EHD4: variants seen among roughly 807,000 people sequenced by gnomAD.
EHD4 encodes EH domain containing 4.
Under a neutral mutation model 51.0 loss-of-function variants are expected in EHD4, and 37 were observed. That is an observed-to-expected ratio of 0.73 (90% CI 0.56 to 0.95). The LOEUF is 0.95. EHD4 is among the 40% of genes least tolerant of loss of function. The pLI is 0.00. For synonymous variants in EHD4, 297 were observed against 317.3 expected (o/e 0.94, Z 0.68); for missense variants, 632 against 733.1 (o/e 0.86, Z 1.59).
At chr15:41,954,212 C>T (rs990121773) in intron 1 of EHD4, among the ~76,000 whole-genome samples, 3 of 152,162 alleles carry the variant, frequency 2.0e-5, no homozygotes, top group African/African-American at 2.4e-5. Context: ...GTGGGGACAC[C>T]TCTTTTGTGG....
chr15:41,911,793 G>C (rs1329575354), intron 4 of EHD4, among the ~76,000 whole-genome samples: 2 of 152,134 alleles, frequency 1.3e-5, no homozygotes, highest in African/African-American at 4.8e-5. Context: ...CTGGGGCCTA[G>C]CCCTGGAGCA....
chr15:41,943,971 CCT>C (rs1313396547), intron 2 of EHD4, among the ~76,000 whole-genome samples: 1 of 152,194 alleles, frequency 6.6e-6, no homozygotes, highest in African/African-American at 2.4e-5. Context: ...TCTTTAGGCC[CCT>C]CTTGTTCCTC....
At chr15:41,937,766 C>A (rs755708320) in intron 3 of EHD4, among the ~76,000 whole-genome samples, 1 of 152,146 alleles carries the variant, frequency 6.6e-6, no homozygotes, top group Non-Finnish European at 1.5e-5. Flanking sequence ...TGATTGTGGT[C>A]TGCTGGTGCC....
chr15:41,917,849 A>G (rs1432591610), intron 4 of EHD4, among the ~76,000 whole-genome samples: 2 of 152,212 alleles, frequency 1.3e-5, no homozygotes, highest in Non-Finnish European at 2.9e-5. Context: ...AAGAACAGAT[A>G]AAGAAGGATG....
At chr15:41,932,050 T>C (rs1268269663) in intron 3 of EHD4, among the ~76,000 whole-genome samples, 1 of 152,166 alleles carries the variant, frequency 6.6e-6, no homozygotes, top group Non-Finnish European at 1.5e-5. Context: ...TCGTGCCAAC[T>C]GTATACACTT....
chr15:41,930,822 C>A (rs2067693244), intron 3 of EHD4, among the ~76,000 whole-genome samples: 1 of 152,174 alleles, frequency 6.6e-6, no homozygotes, highest in African/African-American at 2.4e-5. Flanking sequence ...CCACACGGGG[C>A]TCCTTATAAA....
intron 1 of EHD4, among the ~76,000 whole-genome samples, chr15:41,969,274 C>T (rs557861274): frequency 3.9e-5 from 6 of 152,262 alleles, no homozygotes; most frequent in South Asian, 2.1e-4. Context: ...GGATGGGGCG[C>T]GGTGGCTCAC....
chr15:41,902,409 T>C (rs1255738272), intron 5 of EHD4, among the ~76,000 whole-genome samples: 1 of 152,126 alleles, frequency 6.6e-6, no homozygotes, highest in Non-Finnish European at 1.5e-5. Flanking sequence ...CCAACTTTTA[T>C]TTGTCATTTA....
At chr15:41,928,050 A>C (rs910738159) in intron 3 of EHD4, among the ~76,000 whole-genome samples, 3 of 152,282 alleles carry the variant, frequency 2.0e-5, no homozygotes, top group Non-Finnish European at 4.4e-5. Context: ...AGGTATTATA[A>C]ATACACTTCG....
In EHD4 at chr15:41,918,104, C is replaced by G. The variant is rs375421487; in HGVS notation, c.924+1106G>C. Among the ~76,000 whole-genome samples the G allele has an allele frequency of 1.8e-4, 27 of 152,180 alleles. No individual in the cohort carries two copies. The East Asian group carries it at 4.8e-3, about 27-fold the overall frequency. On this transcript the variant is annotated intron_variant, in intron 4 of 5. Transcript: ENST00000220325. ...AAGAATTGTCCCCACCTTGGCTGTC[C>G]CCATCAGGGAAGCCCTCCCTGCCTC...
intron 3 of EHD4, among the ~76,000 whole-genome samples, chr15:41,922,131 G>GT (rs1410986908): frequency 6.6e-6 from 1 of 152,238 alleles, no homozygotes; most frequent in Non-Finnish European, 1.5e-5. Flanking sequence ...GCTAATGCCT[G>GT]TAATTCCAGC....
chr15:41,970,368 C>T (rs571424264), intron 1 of EHD4, among the ~76,000 whole-genome samples: 45 of 152,304 alleles, frequency 3.0e-4, no homozygotes, highest in African/African-American at 1.0e-3. Flanking sequence ...CCTAGGGTGG[C>T]CCACAGCTCC....
rs1002683793 is a variant in EHD4, at chr15:41,900,566, A to G, written c.*79T>C. On this transcript the variant is annotated 3_prime_UTR_variant, in exon 6 of 6. Transcript: ENST00000220325. This position sits in a 1 kb window ranked among gnomAD's most constrained non-coding sequence, Gnocchi z 4.8. ...CACAGAGAGGGCAGTGCCTTGCCCA[A>G]GGTCATTCGGTGAGTCAGTGGTGGA... 12 of 1,423,610 alleles carry G rather than the reference A, an allele frequency of 8.4e-6. No individual in the cohort carries two copies. The highest frequency in any genetic ancestry group is 1.4e-5 in the African/African-American group (1 of 70,576). The allele number at this position is 1,423,610 out of a possible 1,614,324, so 88.2% of individuals were successfully genotyped here. A position where few individuals can be genotyped will look rare whatever the true frequency, so the allele number is the denominator to read the frequency against.
intron 1 of EHD4, among the ~76,000 whole-genome samples, chr15:41,970,744 G>C (rs937343360): frequency 4.8e-4 from 73 of 152,250 alleles, no homozygotes; most frequent in African/African-American, 1.8e-3. Context: ...TAGGGTGTGG[G>C]GACATGCCAC....
chr15:41,967,919 C>T (rs1023478018), intron 1 of EHD4, among the ~76,000 whole-genome samples: 4 of 152,228 alleles, frequency 2.6e-5, no homozygotes, highest in Admixed American at 2.0e-4. Context: ...TCCTGAACCT[C>T]GCCTGTGGCA....
chr15:41,912,843 T>C (rs1427956632), intron 4 of EHD4, among the ~76,000 whole-genome samples: 1 of 152,194 alleles, frequency 6.6e-6, no homozygotes, highest in Non-Finnish European at 1.5e-5. Flanking sequence ...ATACAGCTAG[T>C]TGGTAGATAC....
chr15:41,972,246 GCGGTGA>G lies in EHD4; in HGVS notation c.236+7_236+12del. 1 of 1,540,446 alleles carries G rather than the reference GCGGTGA, an allele frequency of 6.5e-7. No individual in the cohort carries two copies. Among genetic ancestry groups the G allele is most frequent in the South Asian group, 1.2e-5 (1 of 83,794 alleles). On this transcript the variant is annotated splice_region_variant and intron_variant, in intron 1 of 5. Coordinates refer to ENST00000220325, the MANE Select transcript of EHD4 (RefSeq NM_139265.4). ...GAGCGGGGCGGGAGCCGGGCGAGGGGCGGTGACGGTACCTGATGAAGGTGGTCTTGC... is the reference window on the plus strand; with the variant it reads ...GAGCGGGGCGGGAGCCGGGCGAGGGGCGGTACCTGATGAAGGTGGTCTTGC...
intron 3 of EHD4, among the ~76,000 whole-genome samples, chr15:41,923,908 C>A (rs2140990626): frequency 6.6e-6 from 1 of 152,348 alleles, no homozygotes; most frequent in South Asian, 2.1e-4. Flanking sequence ...GTGAACCCTT[C>A]CTCTATGGTC....
intron 4 of EHD4, among the ~76,000 whole-genome samples, chr15:41,916,956 TCA>T (rs1340565931): frequency 5.9e-5 from 9 of 152,180 alleles, no homozygotes; most frequent in Non-Finnish European, 1.0e-4. Flanking sequence ...TTTTCATTAT[TCA>T]CAGTGTCAGA....
Sources: gnomAD v4.1 joint callset for allele counts (sites outside exome capture counted in the v4.1 genomes callset) on GRCh38, gnomAD v4.1.1 for gene constraint, Gnocchi (gnomAD v3.1) non-coding constraint, MANE v1.5 for transcripts, NCBI Gene and HGNC (gene_info 2026-07-23, HGNC 2026-07-21) for gene names.